Variants in ARID5B observed in about 807,000 individuals in gnomAD.
ARID5B encodes AT-rich interactive domain-containing protein 5B.
ARID5B carries 13 observed loss-of-function variants against 97.2 expected under a neutral mutation model. That is an observed-to-expected ratio of 0.13 (90% CI 0.09 to 0.21). The LOEUF is 0.21. Ranked by LOEUF, ARID5B falls within the 10% of genes least tolerant of loss-of-function variation. The probability of loss-of-function intolerance (pLI) is 1.00; values close to 1 mark genes in which losing one functional copy is unlikely to be tolerated. For synonymous variants in ARID5B, 556 were observed against 570.3 expected (o/e 0.97, Z 0.36); for missense variants, 1,210 against 1,465.3 (o/e 0.83, Z 2.84).
chr10:61,903,501 C>A (rs1843655144), intron 2 of ARID5B, among the ~76,000 whole-genome samples: 1 of 151,924 alleles, frequency 6.6e-6, no homozygotes, highest in Non-Finnish European at 1.5e-5. Flanking sequence ...AGTCTGTGCC[C>A]ACGGCGCAGC....
rs780587500 is a variant in ARID5B at position 62,000,311 on chromosome 10, C to T, written c.723C>T (p.Cys241=). 6.2e-7 allele frequency: 1 copy of T among 1,605,050 alleles called. No homozygotes were observed. Among genetic ancestry groups the T allele is most frequent in the East Asian group, 2.3e-5 (1 of 44,396 alleles). ...HPTLIENESI[C]DEFAPNLKGR... The stretch of plus-strand genomic sequence containing the variant: ...CTCTCATAGAAAACGAGAGTATATG[C>T]GATGAGTTTGGTGAGTCTTTTTTTT... The change falls in exon 4 of 10, where the codon TGC becomes TGT. Residue 241 remains cysteine, a synonymous_variant. Coordinates refer to ENST00000279873, the MANE Select transcript of ARID5B (RefSeq NM_032199.3). The surrounding 1 kb of genome is among the most constrained non-coding windows in gnomAD (Gnocchi z 4.4).
chr10:61,933,078 A>AAAAAC (rs1844239502), intron 2 of ARID5B, among the ~76,000 whole-genome samples: 3 of 152,226 alleles, frequency 2.0e-5, no homozygotes, highest in South Asian at 2.1e-4. Flanking sequence ...TCAAAAGAAC[A>AAAAAC]AAAACAAAAC....
chr10:62,029,342 T>G (rs1315623834), intron 4 of ARID5B, among the ~76,000 whole-genome samples: 2 of 152,210 alleles, frequency 1.3e-5, no homozygotes, highest in Middle Eastern at 3.2e-3. Flanking sequence ...ATGTAGTATA[T>G]TTTGTTCTCT....
In ARID5B at chr10:62,093,740, T is replaced by C. The variant is rs1410058214; in HGVS notation, c.*710T>C. 1 of 232,162 alleles carries C rather than the reference T, an allele frequency of 4.3e-6. No individual in the cohort carries two copies. Among genetic ancestry groups the C allele is most frequent in the Non-Finnish European group, 8.5e-6 (1 of 117,670 alleles). 14.4% of individuals were successfully genotyped at this position (232,162 alleles called of 1,614,324 possible). A position where few individuals can be genotyped will look rare whatever the true frequency, so the allele number is the denominator to read the frequency against. Reference sequence around the variant, plus strand: ...TTTTTGTTTTGTTTTTGAGGCTGACTGACTGTCCTAGTTGTTGTGTGTTTG... The same window carrying C: ...TTTTTGTTTTGTTTTTGAGGCTGACCGACTGTCCTAGTTGTTGTGTGTTTG... On this transcript the variant is annotated 3_prime_UTR_variant, in exon 10 of 10. Transcript: ENST00000279873.
intron 6 of ARID5B, among the ~76,000 whole-genome samples, chr10:62,057,613 T>C (rs1839873322): frequency 6.6e-6 from 1 of 152,168 alleles, no homozygotes; most frequent in South Asian, 2.1e-4. Context: ...CTTGAGTGTC[T>C]GTGACGCCTT....
At chr10:61,938,078 T>C (rs1278264820) in intron 2 of ARID5B, among the ~76,000 whole-genome samples, 1 of 152,188 alleles carries the variant, frequency 6.6e-6, no homozygotes. Context: ...TGTGTGTGTA[T>C]TCATGAAAGA....
At chr10:61,977,870 C>T (rs184066870) in intron 3 of ARID5B, among the ~76,000 whole-genome samples, 3 of 152,146 alleles carry the variant, frequency 2.0e-5, no homozygotes, top group East Asian at 3.8e-4. Context: ...TTAATTAGAT[C>T]GCATTTGTCA....
intron 2 of ARID5B, among the ~76,000 whole-genome samples, chr10:61,902,900 T>C (rs1299350689): frequency 6.6e-6 from 1 of 152,080 alleles, no homozygotes; most frequent in Non-Finnish European, 1.5e-5. Context: ...AATTACGAAA[T>C]GGAGGCAGAA....
At chr10:61,902,457 C>T (rs770463557) in intron 2 of ARID5B, 44 bp downstream of exon 2, 46 of 1,604,516 alleles carry the variant, frequency 2.9e-5, no homozygotes, top group Non-Finnish European at 3.8e-5. Flanking sequence ...TATTATTTTT[C>T]CCCCTAGTAA....
chr10:62,013,434 C>CT (rs1382566180), intron 4 of ARID5B, among the ~76,000 whole-genome samples: 1 of 151,998 alleles, frequency 6.6e-6, no homozygotes, highest in Non-Finnish European at 1.5e-5. Context: ...ACATACTTAA[C>CT]TTTTTTTGTA....
chr10:61,922,334 G>T (rs1218309043), intron 2 of ARID5B, among the ~76,000 whole-genome samples: 2 of 151,542 alleles, frequency 1.3e-5, no homozygotes, highest in Non-Finnish European at 2.9e-5. Flanking sequence ...CGGGCATGGT[G>T]GCTCACGCCT....
At chr10:61,983,432 T>C (rs1198144636) in intron 3 of ARID5B, among the ~76,000 whole-genome samples, 1 of 152,222 alleles carries the variant, frequency 6.6e-6, no homozygotes, top group Non-Finnish European at 1.5e-5. Flanking sequence ...TTTGGTGGTA[T>C]CTTGGCTGGC....
At chr10:62,007,101 C>T (rs1030044781) in intron 4 of ARID5B, among the ~76,000 whole-genome samples, 6 of 152,044 alleles carry the variant, frequency 3.9e-5, no homozygotes, top group Non-Finnish European at 8.8e-5. Flanking sequence ...CAGGAAAGAA[C>T]CAGGTCATTG....
intron 4 of ARID5B, among the ~76,000 whole-genome samples, chr10:62,011,248 T>C (rs932506851): frequency 6.6e-6 from 1 of 152,144 alleles, no homozygotes; most frequent in Non-Finnish European, 1.5e-5. Flanking sequence ...TTAACAAGGG[T>C]ATTACACACA....
intron 5 of ARID5B, among the ~76,000 whole-genome samples, chr10:62,054,514 A>G (rs145133269): frequency 1.3e-5 from 2 of 152,298 alleles, no homozygotes; most frequent in African/African-American, 2.4e-5. Flanking sequence ...TTCAGGACAG[A>G]GTTCAGTAGG....
At chr10:61,910,644 C>G (rs906210749) in intron 2 of ARID5B, among the ~76,000 whole-genome samples, 1 of 152,230 alleles carries the variant, frequency 6.6e-6, no homozygotes, top group African/African-American at 2.4e-5. Flanking sequence ...GGACTATGAG[C>G]ATCAGTATCG....
chr10:61,931,550 T>TA (rs1414507624), intron 2 of ARID5B, among the ~76,000 whole-genome samples: 1 of 152,178 alleles, frequency 6.6e-6, no homozygotes, highest in African/African-American at 2.4e-5. Flanking sequence ...AAGACACTAT[T>TA]ACGAGAATTT....
At chr10:62,020,813 C>T (rs1839345729) in intron 4 of ARID5B, among the ~76,000 whole-genome samples, 1 of 151,624 alleles carries the variant, frequency 6.6e-6, no homozygotes, top group African/African-American at 2.4e-5. Context: ...ATATTACGAA[C>T]TTATAAAGGA....
chr10:61,980,748 A>T (rs1159195603), intron 3 of ARID5B, among the ~76,000 whole-genome samples: 1 of 152,192 alleles, frequency 6.6e-6, no homozygotes, highest in South Asian at 2.1e-4. Flanking sequence ...CTAGAATGGC[A>T]AACCCAAGAT....
Sources: gnomAD v4.1 joint callset for allele counts (sites outside exome capture counted in the v4.1 genomes callset) on GRCh38, gnomAD v4.1.1 for gene constraint, Gnocchi (gnomAD v3.1) non-coding constraint, MANE v1.5 for transcripts, NCBI Gene and HGNC (gene_info 2026-07-23, HGNC 2026-07-21) for gene names.